SCUBE1: variants seen among roughly 807,000 people sequenced by gnomAD.
SCUBE1 encodes signal peptide, CUB domain and EGF like domain containing 1.
A neutral mutation model predicts 124.4 loss-of-function variants in SCUBE1; 59 were observed. The ratio of observed to expected loss-of-function variants is 0.47; its 90% CI spans 0.38 to 0.59. The LOEUF (loss-of-function observed/expected upper bound fraction) is 0.59. SCUBE1 is among the 20% of genes least tolerant of loss of function. The pLI, the probability that SCUBE1 is intolerant of heterozygous loss-of-function variation, is 0.00. For synonymous variants in SCUBE1, 545 were observed against 550.9 expected, an observed-to-expected ratio of 0.99 and a Z score of 0.15; for missense variants, 1,150 against 1,371.2, an observed-to-expected ratio of 0.84 and a Z score of 2.55.
In SCUBE1 at chr22:43,217,125, C is replaced by T. The variant is rs778661949; in HGVS notation, c.1891+1130G>A. 1.1e-3 allele frequency among the ~76,000 whole-genome samples: 134 copies of T among 124,816 alleles called. 3 individuals carry two copies. The highest frequency in any genetic ancestry group is 4.5e-4 in the Non-Finnish European group (28 of 62,664). 81.9% of individuals were successfully genotyped at this position (124,816 alleles called of 152,430 possible). A position where few individuals can be genotyped will look rare whatever the true frequency, so the allele number is the denominator to read the frequency against. On this transcript the variant is annotated intron_variant, in intron 15 of 21. Transcript: ENST00000360835. ...CCCCCAACCCCCACCCCCCATCCGC[C>T]AGGTGTCACCTCTTCTCCAACAGCT...
chr22:43,236,970 C>G (rs1276210053), intron 7 of SCUBE1, among the ~76,000 whole-genome samples: 1 of 152,202 alleles, frequency 6.6e-6, no homozygotes, highest in South Asian at 2.1e-4. Flanking sequence ...CCAGTGGGAG[C>G]CAGGGCCCTA....
chr22:43,248,598 G>A (rs1393265220), intron 6 of SCUBE1, among the ~76,000 whole-genome samples: 1 of 152,246 alleles, frequency 6.6e-6, no homozygotes, highest in Non-Finnish European at 1.5e-5. Flanking sequence ...TGACTGAGGT[G>A]TAGCCTGACC....
intron 2 of SCUBE1, among the ~76,000 whole-genome samples, chr22:43,324,657 A>G (rs535526786): frequency 6.6e-6 from 1 of 152,230 alleles, no homozygotes; most frequent in African/African-American, 2.4e-5. Context: ...AAACATATCC[A>G]GGAGTCGCCG....
chr22:43,220,274 T>G (rs1053835766), intron 14 of SCUBE1, among the ~76,000 whole-genome samples, 176 bp downstream of exon 14: 3 of 152,188 alleles, frequency 2.0e-5, no homozygotes, highest in African/African-American at 7.2e-5. Context: ...CGTTGACCCC[T>G]GCCAGCTCCC....
intron 2 of SCUBE1, among the ~76,000 whole-genome samples, chr22:43,336,047 T>C (rs945619044): frequency 2.0e-5 from 3 of 152,080 alleles, no homozygotes; most frequent in African/African-American, 7.2e-5. Flanking sequence ...GGTGAAGACT[T>C]TGCCATCTGT....
At chr22:43,221,995 C>T (rs1347088829) in intron 12 of SCUBE1, among the ~76,000 whole-genome samples, 2 of 152,038 alleles carry the variant, frequency 1.3e-5, no homozygotes, top group Admixed American at 6.6e-5. Context: ...ACCTGGGAGG[C>T]GGAGGTTGCA....
chr22:43,237,038 A>G (rs1922794880), intron 7 of SCUBE1, among the ~76,000 whole-genome samples: 1 of 149,146 alleles, frequency 6.7e-6, no homozygotes, highest in South Asian at 2.2e-4. Flanking sequence ...AGGTCTGGCC[A>G]AAGGGCTGAG....
rs116791797 is a variant in SCUBE1, at chr22:43,234,395, C to T, written c.845-2520G>A. Among the ~76,000 whole-genome samples the T allele has an allele frequency of 0.013, 1,928 of 152,276 alleles. 42 individuals carry two copies. Among genetic ancestry groups the T allele is most frequent in the African/African-American group, 0.044 (1,840 of 41,548 alleles). ...GAGGCTGCTAAGCAGACAGGGGCAG[C>T]ACGTGATCATTCTCACCACTCCTGC... On this transcript the variant is annotated intron_variant, in intron 7 of 21. Coordinates refer to ENST00000360835, the MANE Select transcript of SCUBE1 (RefSeq NM_173050.5). The surrounding 1 kb of genome is among the most constrained non-coding windows in gnomAD (Gnocchi z 4.4).
chr22:43,337,025 G>C (rs1271701344), intron 2 of SCUBE1, among the ~76,000 whole-genome samples: 3 of 152,152 alleles, frequency 2.0e-5, no homozygotes, highest in Non-Finnish European at 4.4e-5. Flanking sequence ...CAGTGTTTCA[G>C]GATGTGAAGG....
In SCUBE1 at chr22:43,262,769, G is replaced by A. The variant is rs778108631; in HGVS notation, c.561C>T (p.Cys187=). The A allele has an allele frequency of 2.0e-5, 32 of 1,614,018 alleles. 1 individual carries two copies. Among genetic ancestry groups the A allele is most frequent in the South Asian group, 6.6e-5 (6 of 91,090 alleles). The change falls in exon 5 of 22, where the codon TGC becomes TGT. Residue 187 remains cysteine (C), a synonymous_variant. Coordinates refer to ENST00000360835, the MANE Select transcript of SCUBE1 (RefSeq NM_173050.5). ...CRETPKGGVA[C]DCRPGFDLAQ... is the part of the protein sequence containing the mutation. Reference sequence around the variant, plus strand: ...CAAGGTCAAAGCCGGGCCTGCAGTCGCAGGCCACCCCACCTTTGGGCGTCT... The same window carrying A: ...CAAGGTCAAAGCCGGGCCTGCAGTCACAGGCCACCCCACCTTTGGGCGTCT...
At chr22:43,295,375 C>T (rs1453221750) in intron 3 of SCUBE1, among the ~76,000 whole-genome samples, 1 of 152,264 alleles carries the variant, frequency 6.6e-6, no homozygotes, top group Admixed American at 6.5e-5. Context: ...GAGGACAGAT[C>T]TGAGTCTCCT....
intron 6 of SCUBE1, among the ~76,000 whole-genome samples, chr22:43,245,132 T>A (rs1335598074): frequency 6.6e-6 from 1 of 152,242 alleles, no homozygotes; most frequent in African/African-American, 2.4e-5. Context: ...GGCTGGCCTA[T>A]CTCCCGAGGG....
intron 7 of SCUBE1, chr22:43,238,509 C>A (rs756260064): frequency 6.9e-6 from 4 of 583,656 alleles, no homozygotes; most frequent in Non-Finnish European, 1.2e-5. Flanking sequence ...TCACTGAGGG[C>A]CCAGGAAGTC....
At position 43,343,349 on chromosome 22, in the gene SCUBE1, C is replaced by G. The variant is rs1339434434; in HGVS notation, c.-88G>C. On this transcript the variant is annotated 5_prime_UTR_variant, in exon 1 of 22. Coordinates refer to ENST00000360835, the MANE Select transcript of SCUBE1 (RefSeq NM_173050.5). Reference sequence around the variant, plus strand: ...GCTCCCGCAGGCGCTGCTCGCTGCTCGCCGCTCCGCCACCGCTCGGGCTCC... The same window carrying G: ...GCTCCCGCAGGCGCTGCTCGCTGCTGGCCGCTCCGCCACCGCTCGGGCTCC... 5 of 581,700 alleles carry G rather than the reference C, an allele frequency of 8.6e-6. No individual in the cohort carries two copies. The highest frequency in any genetic ancestry group is 1.1e-5 in the Non-Finnish European group (5 of 449,400). The allele number at this position is 581,700 out of a possible 1,614,324, so 36.0% of individuals were successfully genotyped here. A position where few individuals can be genotyped will look rare whatever the true frequency, so the allele number is the denominator to read the frequency against.
intron 6 of SCUBE1, among the ~76,000 whole-genome samples, chr22:43,251,835 T>G (rs994045350): frequency 6.6e-6 from 1 of 152,184 alleles, no homozygotes; most frequent in Non-Finnish European, 1.5e-5. Context: ...AGCGGAATGC[T>G]CCACCTATCC....
rs1555983937 is a variant in SCUBE1, at chr22:43,199,087, G to GTCTT, written c.*4909_*4910insAAGA. ...GTCTGCTGTCCGGGGCAGTTTGTTTGTCTGTCTGCTGTCTGGGGCAGTTTG... is the reference window on the plus strand; with the variant it reads ...GTCTGCTGTCCGGGGCAGTTTGTTTGTCTTTCTGTCTGCTGTCTGGGGCAGTTTG... On this transcript the variant is annotated 3_prime_UTR_variant, in exon 22 of 22. Coordinates refer to ENST00000360835, the MANE Select transcript of SCUBE1 (RefSeq NM_173050.5). 7 of 303,606 alleles carry GTCTT rather than the reference G, an allele frequency of 2.3e-5. No individual in the cohort carries two copies. Among genetic ancestry groups the GTCTT allele is most frequent in the Non-Finnish European group, 3.9e-5 (6 of 153,740 alleles). 18.8% of individuals were successfully genotyped at this position (303,606 alleles called of 1,614,324 possible). A position where few individuals can be genotyped will look rare whatever the true frequency, so the allele number is the denominator to read the frequency against.
At chr22:43,215,604 C>T (rs11912847) in intron 15 of SCUBE1, among the ~76,000 whole-genome samples, 1,771 of 152,300 alleles carry the variant, frequency 0.012, 36 homozygotes, top group African/African-American at 0.04. Flanking sequence ...CAGGATTAGG[C>T]CTCGAAGCTG....
In SCUBE1 at chr22:43,238,853, C is replaced by T. The variant is rs566354056; in HGVS notation, c.829G>A (p.Gly277Arg). ...ACATGCTGACCTTTGCATGTCTTCC[C>T]GTCCGGCTGCAGTGTGAATCCAACG... ...CPVGFTLQPDGKTCKDINECL... is the reference protein window; with the variant it reads ...CPVGFTLQPDRKTCKDINECL... The change falls in exon 7 of 22, where the codon GGG (glycine) becomes AGG (arginine). Residue 277 changes from glycine to arginine, a missense_variant. This residue lies in a region of SCUBE1 where 337 missense variants were observed against 482.1 expected (regional missense o/e 0.70). Transcript: ENST00000360835. 2.8e-5 allele frequency: 45 copies of T among 1,613,104 alleles called. No individual in the cohort carries two copies. Among genetic ancestry groups the T allele is most frequent in the East Asian group, 2.5e-4 (11 of 44,886 alleles).
intron 9 of SCUBE1, among the ~76,000 whole-genome samples, chr22:43,228,314 C>T (rs1324088089): frequency 2.6e-5 from 4 of 152,180 alleles, no homozygotes; most frequent in South Asian, 2.1e-4. Flanking sequence ...CTCTTTGTTC[C>T]GTCGCTGCCC....
Sources: allele counts gnomAD v4.1 joint callset (sites outside exome capture counted in the v4.1 genomes callset), GRCh38; gene constraint gnomAD v4.1.1; regional missense constraint gnomAD v4.1.1; non-coding constraint Gnocchi (gnomAD v3.1); transcripts MANE v1.5; gene names NCBI Gene and HGNC (gene_info 2026-07-23, HGNC 2026-07-21).